The following MARCHF6 variants were observed in gnomAD, a reference collection of about 807,000 sequenced individuals.
MARCHF6 encodes the protein E3 ubiquitin-protein ligase MARCHF6.
A neutral mutation model predicts 133.7 loss-of-function variants in MARCHF6; 31 were observed. The observed-to-expected ratio is 0.23, with a 90% CI of 0.17 to 0.31. The LOEUF (loss-of-function observed/expected upper bound fraction) is 0.31. MARCHF6 is among the 10% of genes least tolerant of loss of function. The pLI, the probability that MARCHF6 is intolerant of heterozygous loss-of-function variation, is 1.00. For synonymous variants in MARCHF6, 395 were observed against 402.5 expected, an observed-to-expected ratio of 0.98 and a Z score of 0.22; for missense variants, 723 against 1,121.6, an observed-to-expected ratio of 0.64 and a Z score of 5.08.
chr5:10,412,396 C>T (rs956307405), intron 19 of MARCHF6, among the ~76,000 whole-genome samples: 1 of 152,144 alleles, frequency 6.6e-6, no homozygotes, highest in Non-Finnish European at 1.5e-5. Context: ...CAATCAAGAA[C>T]CACTTGTTCT....
At chr5:10,407,673 G>C (rs1382238165) in intron 17 of MARCHF6, among the ~76,000 whole-genome samples, 1 of 152,162 alleles carries the variant, frequency 6.6e-6, no homozygotes, top group Non-Finnish European at 1.5e-5. Context: ...GTGGGCTAAG[G>C]CCAGGCGTGG....
In MARCHF6 at chr5:10,414,488, G is replaced by C. The variant is rs2126794529; in HGVS notation, c.1952G>C (p.Cys651Ser). 1 of 1,612,858 alleles carries C rather than the reference G, an allele frequency of 6.2e-7. No homozygotes were observed. The stretch of plus-strand genomic sequence containing the variant: ...ACATTACTGATTGCCAGCCTCATCT[G>C]CCTTACTTTACCAGGTATGAGCTTG... ...CITLLIASLICLTLPVFAGRW... is the reference protein window; with the variant it reads ...CITLLIASLISLTLPVFAGRW... The change falls in exon 20 of 26, where the codon TGC (cysteine) becomes TCC (serine). Residue 651 changes from cysteine (C) to serine (S), a missense_variant. Physicochemically the swap from Cys to Ser is moderately radical, Grantham distance 112. Coordinates refer to ENST00000274140, the MANE Select transcript of MARCHF6 (RefSeq NM_005885.4).
chr5:10,376,780 G>A (rs1736808936), intron 1 of MARCHF6, among the ~76,000 whole-genome samples: 1 of 152,168 alleles, frequency 6.6e-6, no homozygotes, highest in African/African-American at 2.4e-5. Context: ...ACTGCTCTCG[G>A]CATGTGCTCA....
At chr5:10,430,737 CT>C (rs1740324740) in intron 25 of MARCHF6, among the ~76,000 whole-genome samples, 1 of 152,194 alleles carries the variant, frequency 6.6e-6, no homozygotes, top group South Asian at 2.1e-4. Context: ...GCATAAGCCC[CT>C]CTTGCTTATA....
chr5:10,409,032 G>C (rs1210033822), intron 17 of MARCHF6, among the ~76,000 whole-genome samples: 1 of 151,874 alleles, frequency 6.6e-6, no homozygotes, highest in Non-Finnish European at 1.5e-5. Context: ...TATTGCCCAG[G>C]CTGGTCTTGA....
At chr5:10,375,374 G>T (rs180821108) in intron 1 of MARCHF6, among the ~76,000 whole-genome samples, 9 of 152,220 alleles carry the variant, frequency 5.9e-5, no homozygotes, top group Non-Finnish European at 1.0e-4. Flanking sequence ...ATTTCTTGCC[G>T]GGCCTTAGCT....
Position 10,405,686 on chromosome 5 carries a change from A to ATG in MARCHF6, c.1452+11_1452+12dup. 6.4e-7 allele frequency: 1 copy of ATG among 1,568,580 alleles called. No homozygotes were observed. Among genetic ancestry groups the ATG allele is most frequent in the Non-Finnish European group, 8.6e-7 (1 of 1,164,958 alleles). On this transcript the variant is annotated intron_variant, in intron 16 of 25. Transcript: ENST00000274140. ...GATTTATTTTGTCAGTGGTAAGAAG[A>ATG]TGTTTCCATTGTTTTTTTTTTTTGA...
chr5:10,390,617 A>C, intron 6 of MARCHF6, 117 bp downstream of exon 6: 1 of 1,007,542 alleles, frequency 9.9e-7, no homozygotes, highest in Non-Finnish European at 1.4e-6. Flanking sequence ...TTGTTATTAC[A>C]AAGGAGGGCA....
At chr5:10,399,119 T>G (rs1041704454) in intron 10 of MARCHF6, among the ~76,000 whole-genome samples, 1 of 152,170 alleles carries the variant, frequency 6.6e-6, no homozygotes, top group Non-Finnish European at 1.5e-5. Context: ...AACTGGTATT[T>G]AAGGTTAATA....
intron 9 of MARCHF6, among the ~76,000 whole-genome samples, chr5:10,395,749 C>T (rs112311873): frequency 1.3e-3 from 199 of 152,272 alleles, no homozygotes; most frequent in Non-Finnish European, 1.0e-3. Flanking sequence ...CATCAGAGAC[C>T]GAGATATCTC....
chr5:10,393,712 G>A (rs1182592644), intron 7 of MARCHF6, among the ~76,000 whole-genome samples: 7 of 152,124 alleles, frequency 4.6e-5, no homozygotes, highest in Non-Finnish European at 1.0e-4. Context: ...TCTGATTTCT[G>A]TCTTTCTACT....
intron 17 of MARCHF6, among the ~76,000 whole-genome samples, chr5:10,407,690 A>T (rs930699803): frequency 1.3e-5 from 2 of 152,206 alleles, no homozygotes; most frequent in African/African-American, 4.8e-5. Flanking sequence ...GTGGTGGCTC[A>T]CGCCTGTAAT....
intron 22 of MARCHF6, chr5:10,421,812 G>A (rs1438971868): frequency 4.6e-5 from 7 of 152,208 alleles, no homozygotes; most frequent in South Asian, 2.1e-4. Flanking sequence ...ACTGTTGGAG[G>A]GCTATCCCAA....
rs542302063 is a variant in MARCHF6, at chr5:10,375,400, A to G, written c.20-2398A>G. Among the ~76,000 whole-genome samples the G allele has an allele frequency of 1.1e-3, 161 of 152,350 alleles. 1 individual carries two copies. The highest frequency in any genetic ancestry group is 3.8e-3 in the African/African-American group (158 of 41,598). Reference sequence around the variant, plus strand: ...GGCCTTAGCTGCCTTCCCGCTGGGCAGGGCTCGGGACCTGCAGCCCGCCAT... The same window carrying G: ...GGCCTTAGCTGCCTTCCCGCTGGGCGGGGCTCGGGACCTGCAGCCCGCCAT... On this transcript the variant is annotated intron_variant, in intron 1 of 25. Coordinates refer to ENST00000274140, the MANE Select transcript of MARCHF6 (RefSeq NM_005885.4).
intron 4 of MARCHF6, among the ~76,000 whole-genome samples, chr5:10,383,543 A>G (rs1561114748): frequency 1.3e-5 from 2 of 152,350 alleles, no homozygotes; most frequent in South Asian, 4.1e-4. Context: ...GTTGAATGCT[A>G]GAAGACAATG....
At chr5:10,380,093 A>C (rs990495767) in intron 3 of MARCHF6, among the ~76,000 whole-genome samples, 1 of 152,166 alleles carries the variant, frequency 6.6e-6, no homozygotes, top group East Asian at 1.9e-4. Flanking sequence ...TATTTGAAGC[A>C]TAATTTTTCA....
At chr5:10,382,192 G>C (rs1052224512) in intron 4 of MARCHF6, among the ~76,000 whole-genome samples, 1 of 152,164 alleles carries the variant, frequency 6.6e-6, no homozygotes, top group South Asian at 2.1e-4. Flanking sequence ...GTTCATGAAA[G>C]CGTTGAAAAA....
intron 25 of MARCHF6, among the ~76,000 whole-genome samples, chr5:10,431,628 T>A (rs896377538): frequency 6.1e-5 from 2 of 32,970 alleles, no homozygotes; most frequent in Non-Finnish European, 1.2e-4. Context: ...AGTGAGTGAG[T>A]GTGTGTGTGT....
chr5:10,391,616 G>C lies in MARCHF6; in HGVS notation c.651G>C (p.Val217=), dbSNP rs1737851590. The C allele has an allele frequency of 6.2e-7, 1 of 1,612,932 alleles. No individual in the cohort carries two copies. Reference sequence around the variant, plus strand: ...CTAACCCACCAGCTGAGAACGCAGTGGTGGGGGAAAACCCTGATGCCCAGG... The same window carrying C: ...CTAACCCACCAGCTGAGAACGCAGTCGTGGGGGAAAACCCTGATGCCCAGG... ...QPANPPAENA[V]VGENPDAQDD... Residue 217 remains valine (V), a synonymous_variant, in exon 7 of 26, where the codon GTG becomes GTC. Coordinates refer to ENST00000274140, the MANE Select transcript of MARCHF6 (RefSeq NM_005885.4).
Sources: allele counts gnomAD v4.1 joint callset (sites outside exome capture counted in the v4.1 genomes callset), GRCh38; gene constraint gnomAD v4.1.1; transcripts MANE v1.5; gene names NCBI Gene and HGNC (gene_info 2026-07-23, HGNC 2026-07-21).